Variants in BMP4 observed in about 807,000 individuals in gnomAD.
The protein encoded by BMP4 is bone morphogenetic protein 2B.
Under a neutral mutation model 29.6 loss-of-function variants are expected in BMP4, and 3 were observed. That is an observed-to-expected ratio of 0.10 (90% CI 0.05 to 0.26). The LOEUF is 0.26. Among genes scored for constraint, BMP4 ranks in the 10% least tolerant of loss-of-function variants. The pLI, the probability that BMP4 is intolerant of heterozygous loss-of-function variation, is 1.00. For synonymous variants in BMP4, 197 were observed against 213.2 expected (o/e 0.92, Z 0.66); for missense variants, 455 against 550.2 (o/e 0.83, Z 1.73).
At chr14:53,951,657 T>G (rs1461271547) in intron 3 of BMP4, 196 bp downstream of exon 3, 1 of 835,448 alleles carries the variant, frequency 1.2e-6, no homozygotes, top group Non-Finnish European at 1.9e-6. Context: ...CCCCTTCCCC[T>G]GAACACCTCC....
At position 53,950,904 on chromosome 14, in the gene BMP4, A is replaced by C; in HGVS notation, c.371-16T>G. On this transcript the variant is annotated splice_polypyrimidine_tract_variant and intron_variant, in intron 3 of 3. Coordinates refer to ENST00000245451, the MANE Select transcript of BMP4 (RefSeq NM_001202.6). The surrounding 1 kb of genome is among the most constrained non-coding windows in gnomAD (Gnocchi z 5.4). ...TCCAGATGTTCTAGGCACAGTTAGG[A>C]AGGAAGGGGAAAAGAAAAAGCATAT... 1 of 1,599,846 alleles carries C rather than the reference A, an allele frequency of 6.3e-7. No homozygotes were observed.
At chr14:53,953,454 T>C (rs916241282) in intron 1 of BMP4, 54 bp from the exon 2 acceptor site, 3 of 398,410 alleles carry the variant, frequency 7.5e-6, no homozygotes, top group Non-Finnish European at 1.3e-5. Context: ...GCTCTGTTTT[T>C]CTTCCAGCCC....
chr14:53,951,786 G>C, intron 3 of BMP4, 67 bp downstream of exon 3: 2 of 1,575,158 alleles, frequency 1.3e-6, no homozygotes, highest in Non-Finnish European at 1.7e-6. Flanking sequence ...TCTTCCCCAG[G>C]GCTTTCACTG....
chr14:53,952,022 C>T lies in BMP4; in HGVS notation c.201G>A (p.Leu67=), dbSNP rs1895453395. The T allele has an allele frequency of 6.2e-7, 1 of 1,614,020 alleles. No homozygotes were observed. Among genetic ancestry groups the T allele is most frequent in the African/African-American group, 1.3e-5 (1 of 74,950 alleles). Residue 67 remains leucine, a synonymous_variant, in exon 3 of 4, where the codon CTG becomes CTA. Transcript: ENST00000245451. The stretch of plus-strand genomic sequence containing the variant: ...TCTTGCTAGGCTGCGGGCGGCGGCG[C>T]AGCCCAAACATCTGCAGAAGTGTCG... ...FEATLLQMFG[L]RRRPQPSKSA... is the part of the protein sequence containing the mutation.
intron 2 of BMP4, among the ~76,000 whole-genome samples, chr14:53,952,954 A>T (rs1371759848): frequency 1.3e-5 from 2 of 152,160 alleles, no homozygotes; most frequent in African/African-American, 4.8e-5. Context: ...CCACGGAGAC[A>T]CTGGGGGCTC....
rs796563569 is a variant in BMP4, at chr14:53,949,883, C to CATTTTTTT, written c.*148_*149insAAAAAAAT. The CATTTTTTT allele has an allele frequency of 6.2e-6, 4 of 644,328 alleles. 1 individual carries two copies. The highest frequency in any genetic ancestry group is 4.7e-6 in the Non-Finnish European group (2 of 423,656). The allele number at this position is 644,328 out of a possible 1,614,324, so 39.9% of individuals were successfully genotyped here. Reference sequence around the variant, plus strand: ...AAGGTGAATGTTTAGGGATTTTTTCCTTTTTTTTTTTTTTTTTTAAATAAA... The same window carrying CATTTTTTT: ...AAGGTGAATGTTTAGGGATTTTTTCCATTTTTTTTTTTTTTTTTTTTTTTTTAAATAAA... On this transcript the variant is annotated 3_prime_UTR_variant, in exon 4 of 4. Coordinates refer to ENST00000245451, the MANE Select transcript of BMP4 (RefSeq NM_001202.6).
chr14:53,949,826 A>G lies in BMP4; in HGVS notation c.*206T>C. Reference sequence around the variant, plus strand: ...TCAAAATATATGATCAATATGGTCAAAACATTTGCACGTAAAGTCATAAAT... The same window carrying G: ...TCAAAATATATGATCAATATGGTCAGAACATTTGCACGTAAAGTCATAAAT... On this transcript the variant is annotated 3_prime_UTR_variant, in exon 4 of 4. Transcript: ENST00000245451. 1 of 563,424 alleles carries G rather than the reference A, an allele frequency of 1.8e-6. No individual in the cohort carries two copies. 34.9% of individuals were successfully genotyped at this position (563,424 alleles called of 1,614,324 possible).
At chr14:53,951,183 A>G (rs1253849044) in intron 3 of BMP4, among the ~76,000 whole-genome samples, 4 of 152,144 alleles carry the variant, frequency 2.6e-5, no homozygotes, top group African/African-American at 4.8e-5. Flanking sequence ...TGGCACCACA[A>G]TCAGACTCCT....
rs146762860 is a variant in BMP4, at chr14:53,951,267, A to G, written c.371-379T>C. ...TGGTTGTAAAGAAAAAGAGGGGCCAACAGAGCACAGGCAGGAGGAAACATG... is the reference window on the plus strand; with the variant it reads ...TGGTTGTAAAGAAAAAGAGGGGCCAGCAGAGCACAGGCAGGAGGAAACATG... On this transcript the variant is annotated intron_variant, in intron 3 of 3. Coordinates refer to ENST00000245451, the MANE Select transcript of BMP4 (RefSeq NM_001202.6). Among the ~76,000 whole-genome samples, 238 of 152,294 alleles carry G rather than the reference A, an allele frequency of 1.6e-3. 2 individuals are homozygous for G. The highest frequency in any genetic ancestry group is 5.2e-3 in the African/African-American group (214 of 41,548).
At chr14:53,953,235 A>G in intron 2 of BMP4, 41 bp downstream of exon 2, 1 of 395,940 alleles carries the variant, frequency 2.5e-6, no homozygotes, top group Non-Finnish European at 4.5e-6. Context: ...GTGAGGGCAG[A>G]GTGAATTCCG....
rs1246284060 is a variant in BMP4 at position 53,955,294 on chromosome 14, G to A, written c.-133+1256C>T. Among the ~76,000 whole-genome samples, 3 of 152,148 alleles carry A rather than the reference G, an allele frequency of 2.0e-5. No individual in the cohort carries two copies. Among genetic ancestry groups the A allele is most frequent in the Admixed American group, 1.3e-4 (2 of 15,284 alleles). On this transcript the variant is annotated intron_variant, in intron 1 of 3. Coordinates refer to ENST00000245451, the MANE Select transcript of BMP4 (RefSeq NM_001202.6). The surrounding 1 kb of genome is among the most constrained non-coding windows in gnomAD (Gnocchi z 4.0). Reference sequence around the variant, plus strand: ...AAGGGGCGGGCGCCCGGGTTCCCCGGAAAACCCTCGGCCCCAAGGAATCTC... The same window carrying A: ...AAGGGGCGGGCGCCCGGGTTCCCCGAAAAACCCTCGGCCCCAAGGAATCTC...
chr14:53,952,399 C>T (rs1895490853), intron 2 of BMP4, among the ~76,000 whole-genome samples, 170 bp from the exon 3 acceptor site: 1 of 151,722 alleles, frequency 6.6e-6, no homozygotes, highest in Non-Finnish European at 1.5e-5. Context: ...CCCGCCCACC[C>T]ACCAGCTGCA....
At position 53,951,866 on chromosome 14, in the gene BMP4, G is replaced by A. The variant is rs757681410; in HGVS notation, c.357C>T (p.Ser119=). 9.4e-6 allele frequency: 15 copies of A among 1,599,644 alleles called. No individual in the cohort carries two copies. The highest frequency in any genetic ancestry group is 1.3e-5 in the Non-Finnish European group (15 of 1,179,942). The change falls in exon 3 of 4, where the codon AGC becomes AGT. Residue 119 remains serine (S), a synonymous_variant. Transcript: ENST00000245451. ...RPASRANTVR[S]FHHEEHLENI... ...GAAGAGACTGACCTTCGTGGTGGAA[G>A]CTCCTCACGGTGTTGGCCCGGCTGG...
intron 2 of BMP4, among the ~76,000 whole-genome samples, chr14:53,952,642 T>C (rs957515217): frequency 1.2e-4 from 18 of 152,078 alleles, no homozygotes; most frequent in African/African-American, 4.3e-4. Context: ...CTTTAGACCT[T>C]CAGCTTCTCT....
At position 53,950,448 on chromosome 14, in the gene BMP4, G is replaced by A; in HGVS notation, c.811C>T (p.Leu271Phe). The A allele has an allele frequency of 6.2e-7, 1 of 1,613,944 alleles. No individual in the cohort carries two copies. Among genetic ancestry groups the A allele is most frequent in the South Asian group, 1.1e-5 (1 of 91,088 alleles). Reference protein sequence around the residue: ...GSGNWAQLRPLLVTFGHDGRG... With the variant: ...GSGNWAQLRPFLVTFGHDGRG... Reference sequence around the variant, plus strand: ...CCATCATGGCCAAAGGTGACCAGGAGGGGCCGGAGCTGGGCCCAATTCCCA... The same window carrying A: ...CCATCATGGCCAAAGGTGACCAGGAAGGGCCGGAGCTGGGCCCAATTCCCA... The change falls in exon 4 of 4, where the codon CTC (leucine) becomes TTC (phenylalanine). Residue 271 changes from leucine (L) to phenylalanine (F), a missense_variant. Around this residue, in one of 4 missense-constraint regions of BMP4, gnomAD observed 154 missense variants for 156.8 expected, o/e 0.98. Coordinates refer to ENST00000245451, the MANE Select transcript of BMP4 (RefSeq NM_001202.6). This position sits in a 1 kb window ranked among gnomAD's most constrained non-coding sequence, Gnocchi z 5.4.
At position 53,950,564 on chromosome 14, in the gene BMP4, T is replaced by C; in HGVS notation, c.695A>G (p.Tyr232Cys). The change falls in exon 4 of 4, where the codon TAT becomes TGT. Residue 232 changes from tyrosine to cysteine, a missense_variant. Tyr to Cys is a radical substitution (Grantham distance 194). Around this residue, in one of 4 missense-constraint regions of BMP4, gnomAD observed 154 missense variants for 156.8 expected, o/e 0.98. Coordinates refer to ENST00000245451, the MANE Select transcript of BMP4 (RefSeq NM_001202.6). This position sits in a 1 kb window ranked among gnomAD's most constrained non-coding sequence, Gnocchi z 5.4. Reference protein sequence around the residue: ...LRWTREKQPNYGLAIEVTHLH... With the variant: ...LRWTREKQPNCGLAIEVTHLH... ...GTGAGTCACCTCAATGGCTAGCCCA[T>C]AGTTTGGCTGCTTCTCCCGGGTCCA... 2.5e-6 allele frequency: 4 copies of C among 1,614,208 alleles called. No individual in the cohort carries two copies. The highest frequency in any genetic ancestry group is 1.3e-5 in the African/African-American group (1 of 75,058).
In BMP4 at chr14:53,951,875, G is replaced by C. The variant is rs909451835; in HGVS notation, c.348C>G (p.Thr116=). The C allele has an allele frequency of 5.6e-6, 9 of 1,599,924 alleles. No homozygotes were observed. The African/African-American group carries it at 6.7e-5, about 12-fold the overall frequency. The change falls in exon 3 of 4, where the codon ACC becomes ACG. Residue 116 remains threonine, a synonymous_variant. Coordinates refer to ENST00000245451, the MANE Select transcript of BMP4 (RefSeq NM_001202.6). ...YPERPASRAN[T]VRSFHHEEHL... is the part of the protein sequence containing the mutation. Reference sequence around the variant, plus strand: ...GACCTTCGTGGTGGAAGCTCCTCACGGTGTTGGCCCGGCTGGCCGGGCGCT... The same window carrying C: ...GACCTTCGTGGTGGAAGCTCCTCACCGTGTTGGCCCGGCTGGCCGGGCGCT...
chr14:53,952,105 C>T lies in BMP4; in HGVS notation c.118G>A (p.Gly40Ser), dbSNP rs749083527. The T allele has an allele frequency of 2.0e-5, 32 of 1,613,616 alleles. No individual in the cohort carries two copies. The South Asian group carries it at 3.4e-4, about 17-fold the overall frequency. The change falls in exon 3 of 4, where the codon GGC (glycine) becomes AGC (serine). Residue 40 changes from glycine (G) to serine (S), a missense_variant. By Grantham distance (56) the Gly-to-Ser change is moderately conservative. Coordinates refer to ENST00000245451, the MANE Select transcript of BMP4 (RefSeq NM_001202.6). ...CCTGAGCGGCGTCCTCCCGCGTGGCCCTGAATCTCGGCGACTTTTTTCTTC... is the reference window on the plus strand; with the variant it reads ...CCTGAGCGGCGTCCTCCCGCGTGGCTCTGAATCTCGGCGACTTTTTTCTTC... ...TGKKKVAEIQ[G>S]HAGGRRSGQS...
chr14:53,952,855 G>A (rs1895518398), intron 2 of BMP4, among the ~76,000 whole-genome samples: 1 of 152,190 alleles, frequency 6.6e-6, no homozygotes, highest in Admixed American at 6.5e-5. Context: ...AGCCAAAAGT[G>A]CCTGATCGTG....
Sources: allele counts gnomAD v4.1 joint callset (sites outside exome capture counted in the v4.1 genomes callset), GRCh38; gene constraint gnomAD v4.1.1; regional missense constraint gnomAD v4.1.1; non-coding constraint Gnocchi (gnomAD v3.1); transcripts MANE v1.5; gene names NCBI Gene and HGNC (gene_info 2026-07-23, HGNC 2026-07-21).